PPP3CA: variants seen among roughly 807,000 people sequenced by gnomAD.
PPP3CA encodes the protein protein phosphatase 3 catalytic subunit alpha, also known as CAM-PRP catalytic subunit.
Under a neutral mutation model 66.5 loss-of-function variants are expected in PPP3CA, and 14 were observed. The ratio of observed to expected loss-of-function variants is 0.21; its 90% CI spans 0.14 to 0.33. The LOEUF is 0.33. Among genes scored for constraint, PPP3CA ranks in the 10% least tolerant of loss-of-function variants. The pLI, the probability that PPP3CA is intolerant of heterozygous loss-of-function variation, is 1.00. For missense variants in PPP3CA, 317 were observed against 639.5 expected (o/e 0.50, Z 5.44); for synonymous variants, 232 against 226.2 (o/e 1.03, Z -0.23).
intron 11 of PPP3CA, among the ~76,000 whole-genome samples, chr4:101,033,748 C>A (rs1175354172): frequency 6.6e-6 from 1 of 152,136 alleles, no homozygotes; most frequent in Non-Finnish European, 1.5e-5. Flanking sequence ...ATTCTCATTA[C>A]CCCCAAAAGA....
chr4:101,212,346 C>G (rs894982257), intron 1 of PPP3CA, among the ~76,000 whole-genome samples: 2 of 152,090 alleles, frequency 1.3e-5, no homozygotes, highest in Non-Finnish European at 2.9e-5. Flanking sequence ...TTATCCTCAG[C>G]AAACTAACAC....
chr4:101,344,357 G>A (rs147682203), intron 1 of PPP3CA, among the ~76,000 whole-genome samples: 2 of 151,992 alleles, frequency 1.3e-5, no homozygotes, highest in Non-Finnish European at 2.9e-5. Flanking sequence ...TATGACAAAA[G>A]GTTGAATCCA....
At chr4:101,262,166 C>A (rs1727030097) in intron 1 of PPP3CA, among the ~76,000 whole-genome samples, 1 of 151,818 alleles carries the variant, frequency 6.6e-6, no homozygotes, top group African/African-American at 2.4e-5. Flanking sequence ...TCCACCAAGT[C>A]CCCCCTCATT....
At chr4:101,100,314 T>C (rs1730386343) in intron 3 of PPP3CA, among the ~76,000 whole-genome samples, 1 of 152,096 alleles carries the variant, frequency 6.6e-6, no homozygotes, top group African/African-American at 2.4e-5. Flanking sequence ...GCCTCCTCAT[T>C]TTGTTGTACA....
At chr4:101,324,670 A>C (rs1042187346) in intron 1 of PPP3CA, among the ~76,000 whole-genome samples, 1 of 151,444 alleles carries the variant, frequency 6.6e-6, no homozygotes, top group Admixed American at 6.6e-5. Context: ...GTAACTCTTC[A>C]CTTGAAGGAA....
At chr4:101,205,697 T>C (rs1249380884) in intron 1 of PPP3CA, among the ~76,000 whole-genome samples, 1 of 152,210 alleles carries the variant, frequency 6.6e-6, no homozygotes, top group Non-Finnish European at 1.5e-5. Context: ...AAAACACCTA[T>C]AGGCATCAAA....
intron 1 of PPP3CA, among the ~76,000 whole-genome samples, chr4:101,200,436 C>T (rs961696458): frequency 8.5e-5 from 13 of 152,056 alleles, no homozygotes; most frequent in Non-Finnish European, 1.6e-4. Context: ...CTGGACTTCA[C>T]ATTCATGTAA....
At chr4:101,158,469 T>C (rs1228307225) in intron 2 of PPP3CA, 1 of 152,236 alleles carries the variant, frequency 6.6e-6, no homozygotes, top group East Asian at 1.9e-4. Flanking sequence ...TTTTTTGTTG[T>C]TGAGGTTCAA....
At chr4:101,117,899 C>A (rs1486179031) in intron 2 of PPP3CA, among the ~76,000 whole-genome samples, 1 of 151,042 alleles carries the variant, frequency 6.6e-6, no homozygotes, top group Non-Finnish European at 1.5e-5. Context: ...TAATTTCAGC[C>A]GAATGTATAC....
In PPP3CA at chr4:101,024,311, G is replaced by A. The variant is rs1245898515; in HGVS notation, c.*1554C>T. 1 of 152,526 alleles carries A rather than the reference G, an allele frequency of 6.6e-6. No homozygotes were observed. The highest frequency in any genetic ancestry group is 1.5e-5 in the Non-Finnish European group (1 of 68,048). The allele number at this position is 152,526 out of a possible 1,614,324, so 9.4% of individuals were successfully genotyped here. ...ATAAATCCCTTCAGCGGACTCAGTG[G>A]AAGGATGAGAATTCTGTAAGTTCAT... On this transcript the variant is annotated 3_prime_UTR_variant, in exon 14 of 14. Transcript: ENST00000394854.
chr4:101,228,495 C>G (rs1478113207), intron 1 of PPP3CA, among the ~76,000 whole-genome samples: 1 of 151,440 alleles, frequency 6.6e-6, no homozygotes, highest in Non-Finnish European at 1.5e-5. Context: ...AGGCACCATG[C>G]AAAATGGAAT....
intron 2 of PPP3CA, among the ~76,000 whole-genome samples, chr4:101,133,121 T>C (rs867752853): frequency 7.2e-5 from 11 of 152,296 alleles, no homozygotes; most frequent in African/African-American, 2.6e-4. Context: ...GAGCTGTTTA[T>C]GGCAAACCCA....
intron 1 of PPP3CA, among the ~76,000 whole-genome samples, chr4:101,291,741 T>C (rs1457456618): frequency 3.3e-5 from 5 of 152,116 alleles, no homozygotes; most frequent in Non-Finnish European, 2.9e-5. Context: ...CAGGAGACAA[T>C]GAGTGTGTGA....
chr4:101,080,325 A>T (rs1309504109), intron 8 of PPP3CA, among the ~76,000 whole-genome samples: 1 of 152,184 alleles, frequency 6.6e-6, no homozygotes, highest in Non-Finnish European at 1.5e-5. Context: ...GAAAACATTT[A>T]AAAAATTAAT....
Position 101,346,841 on chromosome 4 carries a change from T to C in PPP3CA, c.-45A>G. The C allele has an allele frequency of 1.9e-6, 3 of 1,592,788 alleles. No homozygotes were observed. The highest frequency in any genetic ancestry group is 2.3e-5 in the East Asian group (1 of 43,826). ...GCGACGCGCTGCTCGTCCGTCCGAC[T>C]GCACACCCCGACCGGACCGGCGGGC... On this transcript the variant is annotated 5_prime_UTR_variant, in exon 1 of 14. Transcript: ENST00000394854.
In PPP3CA at chr4:101,136,207, T is replaced by C. The variant is rs765886129; in HGVS notation, c.260-27129A>G. Among the ~76,000 whole-genome samples the C allele has an allele frequency of 1.2e-4, 18 of 152,330 alleles. No individual in the cohort carries two copies. The South Asian group carries it at 2.7e-3, about 23-fold the overall frequency. On this transcript the variant is annotated intron_variant, in intron 2 of 13. Transcript: ENST00000394854. ...CCCATTGACTTTGGCTCATCAGTCATTTTTCACATCAGTATCATTCATGTT... is the reference window on the plus strand; with the variant it reads ...CCCATTGACTTTGGCTCATCAGTCACTTTTCACATCAGTATCATTCATGTT...
At chr4:101,173,085 A>G (rs1196481538) in intron 2 of PPP3CA, among the ~76,000 whole-genome samples, 1 of 152,144 alleles carries the variant, frequency 6.6e-6, no homozygotes, top group Admixed American at 6.6e-5. Flanking sequence ...CTCTTAGTGT[A>G]AAAGTAGAGC....
intron 11 of PPP3CA, among the ~76,000 whole-genome samples, chr4:101,033,291 C>A (rs199766845): frequency 0.17 from 11,660 of 67,836 alleles, 398 homozygotes; most frequent in South Asian, 0.32. Context: ...CACACACACA[C>A]AAACACACAC....
chr4:101,053,756 A>C (rs1728107485), intron 10 of PPP3CA, among the ~76,000 whole-genome samples: 5 of 152,064 alleles, frequency 3.3e-5, no homozygotes, highest in Admixed American at 3.3e-4. Flanking sequence ...TTGAACCGTC[A>C]AACTCAGCTT....
Sources: allele counts gnomAD v4.1 joint callset (sites outside exome capture counted in the v4.1 genomes callset), GRCh38; gene constraint gnomAD v4.1.1; transcripts MANE v1.5; gene names NCBI Gene and HGNC (gene_info 2026-07-23, HGNC 2026-07-21).